The following MAP3K3 variants were observed in gnomAD, a reference collection of about 807,000 sequenced individuals.
MAP3K3 encodes the protein MAP/ERK kinase kinase 3.
MAP3K3 carries 12 observed loss-of-function variants against 80.9 expected under a neutral mutation model. The ratio of observed to expected loss-of-function variants is 0.15; its 90% CI spans 0.10 to 0.24. The LOEUF is 0.24. MAP3K3 is among the 10% of genes least tolerant of loss of function. The pLI is 1.00. For missense variants in MAP3K3, 596 were observed against 834.7 expected (o/e 0.71, Z 3.52); for synonymous variants, 272 against 307.1 (o/e 0.89, Z 1.19).
At chr17:63,670,715 G>T (rs1164922683) in intron 6 of MAP3K3, among the ~76,000 whole-genome samples, 1 of 152,114 alleles carries the variant, frequency 6.6e-6, no homozygotes, top group Non-Finnish European at 1.5e-5. Context: ...TTAGGCAAAA[G>T]GGATGCAAGG....
intron 9 of MAP3K3, 81 bp downstream of exon 9, chr17:63,688,675 C>A: frequency 6.9e-7 from 1 of 1,451,080 alleles, no homozygotes; most frequent in Non-Finnish European, 9.7e-7. Flanking sequence ...TTTTCTGAGT[C>A]AGTAGCTCTC....
At chr17:63,642,320 T>C (rs2034458770) in intron 2 of MAP3K3, among the ~76,000 whole-genome samples, 1 of 152,180 alleles carries the variant, frequency 6.6e-6, no homozygotes, top group Non-Finnish European at 1.5e-5. Flanking sequence ...TTCCTTCATT[T>C]CCATAAAGGC....
chr17:63,681,719 C>T (rs764061073), intron 6 of MAP3K3, 47 bp from the exon 7 acceptor site: 15 of 1,362,934 alleles, frequency 1.1e-5, no homozygotes, highest in Non-Finnish European at 1.4e-5. Flanking sequence ...CCTCTTGGGC[C>T]ACACACCCTG....
intron 3 of MAP3K3, among the ~76,000 whole-genome samples, chr17:63,647,943 A>G (rs2034572485): frequency 6.6e-6 from 1 of 152,224 alleles, no homozygotes; most frequent in African/African-American, 2.4e-5. Flanking sequence ...ACAGGTATTC[A>G]TTCTGGTGGG....
At chr17:63,622,784 G>A (rs750732393) in intron 1 of MAP3K3, 21 bp downstream of exon 1, 40 of 512,014 alleles carry the variant, frequency 7.8e-5, no homozygotes, top group African/African-American at 6.6e-4. Context: ...CCACCGCCCC[G>A]GCCTGTGCCC....
intron 5 of MAP3K3, among the ~76,000 whole-genome samples, chr17:63,659,131 C>A (rs1351414080): frequency 6.6e-6 from 1 of 152,172 alleles, no homozygotes; most frequent in Admixed American, 6.5e-5. Context: ...TTTAGCCTTG[C>A]AAAGTGCTGG....
At chr17:63,683,023 A>T (rs1304416971) in intron 7 of MAP3K3, among the ~76,000 whole-genome samples, 1 of 152,140 alleles carries the variant, frequency 6.6e-6, no homozygotes, top group Non-Finnish European at 1.5e-5. Flanking sequence ...CAAGCATGAG[A>T]TCTCTAGCTT....
chr17:63,689,800 A>C lies in MAP3K3; in HGVS notation c.1063+65A>C. ...GGTCTCAGACAAGCTACGGGGGCAA[A>C]CAGCTGGGCCCCTGGGACCCTTAGG... On this transcript the variant is annotated intron_variant, in intron 11 of 15. Coordinates refer to ENST00000361733, the MANE Select transcript of MAP3K3 (RefSeq NM_002401.5). The surrounding 1 kb of genome is among the most constrained non-coding windows in gnomAD (Gnocchi z 4.3). The C allele has an allele frequency of 6.7e-7, 1 of 1,482,744 alleles. No homozygotes were observed. The highest frequency in any genetic ancestry group is 9.1e-7 in the Non-Finnish European group (1 of 1,097,158). 91.8% of individuals were successfully genotyped at this position (1,482,744 alleles called of 1,614,324 possible). A position where few individuals can be genotyped will look rare whatever the true frequency, so the allele number is the denominator to read the frequency against.
At chr17:63,646,170 G>A in intron 3 of MAP3K3, 96 bp downstream of exon 3, 6 of 1,117,884 alleles carry the variant, frequency 5.4e-6, no homozygotes, top group Non-Finnish European at 8.1e-6. Context: ...CCTGATCCCT[G>A]TGGGGCCACT....
rs753831759 is a variant in MAP3K3 at position 63,632,756 on chromosome 17, G to C, written c.80G>C (p.Gly27Ala). Reference sequence around the variant, plus strand: ...ATGAACCGACGTCACCGGATGCCTGGATATGAGACCATGAAGAACAAAGAC... The same window carrying C: ...ATGAACCGACGTCACCGGATGCCTGCATATGAGACCATGAAGAACAAAGAC... Reference protein sequence around the residue: ...LQMNRRHRMPGYETMKNKDTG... With the variant: ...LQMNRRHRMPAYETMKNKDTG... Residue 27 changes from glycine (G) to alanine (A), a missense_variant, in exon 2 of 16, where the codon GGA becomes GCA. Physicochemically the swap from Gly to Ala is moderately conservative, Grantham distance 60. Around this residue, in one of 2 missense-constraint regions of MAP3K3, gnomAD observed 232 missense variants for 245.8 expected, o/e 0.94. Coordinates refer to ENST00000361733, the MANE Select transcript of MAP3K3 (RefSeq NM_002401.5). 8.7e-6 allele frequency: 14 copies of C among 1,614,000 alleles called. No individual in the cohort carries two copies. In the South Asian group the frequency reaches 1.5e-4, roughly 18 times the overall value.
intron 2 of MAP3K3, chr17:63,634,621 C>A: frequency 9.1e-7 from 1 of 1,102,728 alleles, no homozygotes; most frequent in Non-Finnish European, 1.4e-6. Flanking sequence ...GGTACTAGAT[C>A]TTTGGATCCA....
At position 63,624,378 on chromosome 17, in the gene MAP3K3, T is replaced by C. The variant is rs918353823; in HGVS notation, c.4+1615T>C. 4.6e-5 allele frequency among the ~76,000 whole-genome samples: 7 copies of C among 152,188 alleles called. No homozygotes were observed. The East Asian group carries it at 1.3e-3, about 29-fold the overall frequency. On this transcript the variant is annotated intron_variant, in intron 1 of 15. Coordinates refer to ENST00000361733, the MANE Select transcript of MAP3K3 (RefSeq NM_002401.5). ...AAGGAGAGTGTGAAATACTTAAGGG[T>C]ATGTAGACCATCCACTTCCTACTTT... is the stretch of plus-strand genomic sequence containing the variant.
At chr17:63,645,089 C>A (rs1215962089) in intron 2 of MAP3K3, among the ~76,000 whole-genome samples, 10 of 152,110 alleles carry the variant, frequency 6.6e-5, no homozygotes, top group Admixed American at 5.9e-4. Flanking sequence ...CATATTTATA[C>A]TTCTGTTCTT....
At chr17:63,652,440 T>G (rs2034675616) in intron 3 of MAP3K3, 117 bp from the exon 4 acceptor site, 2 of 688,674 alleles carry the variant, frequency 2.9e-6, no homozygotes, top group Admixed American at 5.2e-5. Flanking sequence ...GCAAATTGAG[T>G]GAAAGAAAAC....
chr17:63,651,625 A>C (rs2034658714), intron 3 of MAP3K3, among the ~76,000 whole-genome samples: 1 of 152,098 alleles, frequency 6.6e-6, no homozygotes, highest in African/African-American at 2.4e-5. Context: ...ATCAATTCCC[A>C]CTTTTAAATT....
Position 63,692,401 on chromosome 17 carries a change from G to A in MAP3K3, c.1634G>A (p.Gly545Glu). 1 of 1,608,156 alleles carries A rather than the reference G, an allele frequency of 6.2e-7. No individual in the cohort carries two copies. The highest frequency in any genetic ancestry group is 8.5e-7 in the Non-Finnish European group (1 of 1,176,346). ...SPEVISGEGY[G>E]RKADVWSLGC... Reference sequence around the variant, plus strand: ...GAGGTGATCAGCGGCGAGGGCTATGGAAGGAAAGCAGACGTGTGGTGAGCA... The same window carrying A: ...GAGGTGATCAGCGGCGAGGGCTATGAAAGGAAAGCAGACGTGTGGTGAGCA... Residue 545 changes from glycine to glutamate, a missense_variant, in exon 15 of 16, where the codon GGA becomes GAA. Transcript: ENST00000361733. This position sits in a 1 kb window ranked among gnomAD's most constrained non-coding sequence, Gnocchi z 4.5.
intron 4 of MAP3K3, among the ~76,000 whole-genome samples, chr17:63,655,245 C>G (rs1444571557): frequency 6.6e-6 from 1 of 152,018 alleles, no homozygotes; most frequent in Non-Finnish European, 1.5e-5. Context: ...CTCGTGAGAA[C>G]TCACTCACTA....
At chr17:63,674,011 C>T (rs1397594649) in intron 6 of MAP3K3, among the ~76,000 whole-genome samples, 2 of 150,650 alleles carry the variant, frequency 1.3e-5, no homozygotes, top group South Asian at 4.2e-4. Flanking sequence ...ACCCGGGAGG[C>T]GGAGGTTGCA....
Position 63,632,772 on chromosome 17 carries a change from G to C in MAP3K3, c.96G>C (p.Lys32Asn). 6.2e-7 allele frequency: 1 copy of C among 1,614,086 alleles called. No homozygotes were observed. The change falls in exon 2 of 16, where the codon AAG becomes AAC. Residue 32 changes from lysine (K) to asparagine (N), a missense_variant. Around this residue, in one of 2 missense-constraint regions of MAP3K3, gnomAD observed 232 missense variants for 245.8 expected, o/e 0.94. Coordinates refer to ENST00000361733, the MANE Select transcript of MAP3K3 (RefSeq NM_002401.5). ...RHRMPGYETM[K>N]NKDTGHSNRQ... ...GGATGCCTGGATATGAGACCATGAAGAACAAAGACACAGGTCACTCAAATA... is the reference window on the plus strand; with the variant it reads ...GGATGCCTGGATATGAGACCATGAACAACAAAGACACAGGTCACTCAAATA...
Sources: allele counts gnomAD v4.1 joint callset (sites outside exome capture counted in the v4.1 genomes callset), GRCh38; gene constraint gnomAD v4.1.1; regional missense constraint gnomAD v4.1.1; non-coding constraint Gnocchi (gnomAD v3.1); transcripts MANE v1.5; gene names NCBI Gene and HGNC (gene_info 2026-07-23, HGNC 2026-07-21).